Variants in ZNF804B observed in about 807,000 individuals in gnomAD.
ZNF804B encodes zinc finger protein 804B.
ZNF804B carries 80 observed loss-of-function variants against 101.4 expected under a neutral mutation model. The observed-to-expected ratio is 0.79, with a 90% CI of 0.66 to 0.95. The LOEUF is 0.95. Among genes scored for constraint, ZNF804B ranks in the 40% least tolerant of loss-of-function variants. The pLI, the probability that ZNF804B is intolerant of heterozygous loss-of-function variation, is 0.00. For missense variants in ZNF804B, 1,673 were observed against 1,561.9 expected, an observed-to-expected ratio of 1.07 and a Z score of -1.20; for synonymous variants, 622 against 558.8, an observed-to-expected ratio of 1.11 and a Z score of -1.59.
chr7:89,171,340 CTTCTTCTTCT>C (rs1562904499), intron 1 of ZNF804B, among the ~76,000 whole-genome samples: 4 of 132,026 alleles, frequency 3.0e-5, no homozygotes, highest in African/African-American at 1.1e-4. Flanking sequence ...TCTTCTTCTT[CTTCTTCTTCT>C]TCTTCTTCCT....
chr7:89,200,675 A>C (rs1788618863), intron 1 of ZNF804B, among the ~76,000 whole-genome samples: 1 of 152,048 alleles, frequency 6.6e-6, no homozygotes, highest in Non-Finnish European at 1.5e-5. Context: ...CCACACAAAT[A>C]GCCTTTGGCT....
chr7:89,067,299 C>A (rs149422381), intron 1 of ZNF804B, among the ~76,000 whole-genome samples: 53 of 152,300 alleles, frequency 3.5e-4, no homozygotes, highest in Non-Finnish European at 6.6e-4. Flanking sequence ...TGATTGGAAT[C>A]TCTATCACTG....
chr7:89,268,731 T>A (rs1027713499), intron 2 of ZNF804B, among the ~76,000 whole-genome samples: 1 of 152,056 alleles, frequency 6.6e-6, no homozygotes, highest in Non-Finnish European at 1.5e-5. Context: ...ACCCATCAGA[T>A]CTGGGGCAAG....
intron 1 of ZNF804B, among the ~76,000 whole-genome samples, chr7:89,194,565 A>G (rs1238956760): frequency 6.6e-6 from 1 of 151,010 alleles, no homozygotes; most frequent in Non-Finnish European, 1.5e-5. Context: ...TTTATTAAAT[A>G]AGGAATCCTT....
chr7:88,820,583 G>A (rs1178738835), intron 1 of ZNF804B, among the ~76,000 whole-genome samples: 1 of 152,174 alleles, frequency 6.6e-6, no homozygotes. Flanking sequence ...TGAAGTAGAT[G>A]CCTGTAATGT....
chr7:88,816,101 G>A (rs1790872118), intron 1 of ZNF804B, among the ~76,000 whole-genome samples: 1 of 151,498 alleles, frequency 6.6e-6, no homozygotes, highest in African/African-American at 2.4e-5. Flanking sequence ...ACCCCTCATT[G>A]AGCTTTCCTC....
At chr7:89,278,412 T>C (rs146325105) in intron 2 of ZNF804B, among the ~76,000 whole-genome samples, 17,044 of 148,818 alleles carry the variant, frequency 0.11, 1,062 homozygotes, top group Middle Eastern at 0.24. Flanking sequence ...GTTTTAGACA[T>C]GAAGTCCTTG....
chr7:89,082,261 G>T (rs1306534522), intron 1 of ZNF804B, among the ~76,000 whole-genome samples: 1 of 151,636 alleles, frequency 6.6e-6, no homozygotes, highest in Non-Finnish European at 1.5e-5. Context: ...ATAAATAGAT[G>T]TTCAAATGCA....
intron 1 of ZNF804B, among the ~76,000 whole-genome samples, chr7:88,988,402 A>G (rs1793795719): frequency 6.6e-6 from 1 of 152,116 alleles, no homozygotes; most frequent in Non-Finnish European, 1.5e-5. Flanking sequence ...GTGCTGCTCT[A>G]TTTTGCATAT....
chr7:89,104,886 T>G (rs911089089), intron 1 of ZNF804B, among the ~76,000 whole-genome samples: 2 of 152,116 alleles, frequency 1.3e-5, no homozygotes, highest in Non-Finnish European at 2.9e-5. Flanking sequence ...TCTGTGATTG[T>G]TCAGTAGTGA....
chr7:89,014,639 T>C (rs1451443582), intron 1 of ZNF804B, among the ~76,000 whole-genome samples: 4 of 152,186 alleles, frequency 2.6e-5, no homozygotes, highest in Non-Finnish European at 5.9e-5. Flanking sequence ...AAAATATATT[T>C]CTTGGCCATT....
At chr7:88,798,247 T>G (rs1036742791) in intron 1 of ZNF804B, among the ~76,000 whole-genome samples, 1 of 152,124 alleles carries the variant, frequency 6.6e-6, no homozygotes, top group Non-Finnish European at 1.5e-5. Context: ...TGTGTGCTTT[T>G]TGTTTTCCTT....
intron 1 of ZNF804B, among the ~76,000 whole-genome samples, chr7:88,921,396 GC>G (rs763683792): frequency 3.9e-4 from 59 of 152,118 alleles, no homozygotes; most frequent in Non-Finnish European, 6.8e-4. Context: ...CACATTTTTG[GC>G]CCAGAGTAGT....
intron 1 of ZNF804B, among the ~76,000 whole-genome samples, chr7:89,132,262 A>G (rs554704103): frequency 6.6e-6 from 1 of 152,096 alleles, no homozygotes; most frequent in Non-Finnish European, 1.5e-5. Flanking sequence ...ATAGGTGTTC[A>G]GAAAAAAATA....
At position 89,336,924 on chromosome 7, in the gene ZNF804B, C is replaced by A. The variant is rs1386654596; in HGVS notation, c.3942C>A (p.Ile1314=). Residue 1314 remains isoleucine, a synonymous_variant, in exon 4 of 4, where the codon ATC becomes ATA. Coordinates refer to ENST00000333190, the MANE Select transcript of ZNF804B (RefSeq NM_181646.5). ...TTSIIHLNPL[I]QPVFQGQDFC... is the part of the protein sequence containing the mutation. ...CTATCATCCACTTGAATCCTTTAAT[C>A]CAACCAGTATTCCAAGGTCAAGATT... The A allele has an allele frequency of 6.2e-7, 1 of 1,614,074 alleles. No individual in the cohort carries two copies. Among genetic ancestry groups the A allele is most frequent in the Middle Eastern group, 1.6e-4 (1 of 6,062 alleles).
chr7:89,288,201 A>G (rs753586898), intron 2 of ZNF804B, among the ~76,000 whole-genome samples: 50 of 152,226 alleles, frequency 3.3e-4, no homozygotes, highest in Non-Finnish European at 6.5e-4. Context: ...TAAATAGAAA[A>G]TGTTTATTGT....
At chr7:89,028,240 A>G (rs1466447790) in intron 1 of ZNF804B, among the ~76,000 whole-genome samples, 2 of 152,330 alleles carry the variant, frequency 1.3e-5, no homozygotes, top group East Asian at 3.9e-4. Flanking sequence ...CAATATTGGC[A>G]GGAACTTGAG....
intron 1 of ZNF804B, among the ~76,000 whole-genome samples, chr7:89,034,277 A>T (rs1265290077): frequency 6.6e-6 from 1 of 151,990 alleles, no homozygotes; most frequent in Admixed American, 6.6e-5. Context: ...ATTTATTTTT[A>T]TTCTACTTTA....
Position 89,337,159 on chromosome 7 carries a change from A to G in ZNF804B, c.*127A>G, listed in dbSNP as rs1791110942. The G allele has an allele frequency of 2.0e-6, 2 of 1,016,824 alleles. No individual in the cohort carries two copies. The highest frequency in any genetic ancestry group is 2.9e-5 in the Admixed American group (1 of 34,166). 63.0% of individuals were successfully genotyped at this position (1,016,824 alleles called of 1,614,324 possible). On this transcript the variant is annotated 3_prime_UTR_variant, in exon 4 of 4. Coordinates refer to ENST00000333190, the MANE Select transcript of ZNF804B (RefSeq NM_181646.5). ...TGCCAATTCAAAATGTGACAAATAT[A>G]TAAATATGATCTGAATTGCTAATAC...
Sources: allele counts gnomAD v4.1 joint callset (sites outside exome capture counted in the v4.1 genomes callset), GRCh38; gene constraint gnomAD v4.1.1; transcripts MANE v1.5; gene names NCBI Gene and HGNC (gene_info 2026-07-23, HGNC 2026-07-21).